Variants in KLF18 observed in about 807,000 individuals in gnomAD.
The protein encoded by KLF18 is Kruppel-like factor 18.
At position 44,140,765 on chromosome 1, in the gene KLF18, G is replaced by C. The variant is rs1348598145; in HGVS notation, c.867C>G (p.Leu289=). The C allele has an allele frequency of 2.5e-6, 1 of 398,444 alleles. No homozygotes were observed. Among genetic ancestry groups the C allele is most frequent in the Non-Finnish European group, 4.4e-6 (1 of 226,210 alleles). The allele number at this position is 398,444 out of a possible 1,614,324, so 24.7% of individuals were successfully genotyped here. ...QMTTSASNQT[L]CGEQMTTSTS... is the part of the protein sequence containing the mutation. ...TGGAGGTTGTCATCTGCTCTCCACA[G>C]AGGGTCTGGTTACTAGCGGAGGTCG... The change falls in exon 1 of 2, where the codon CTC becomes CTG. Residue 289 remains leucine, a synonymous_variant. Transcript: ENST00000634670.
chr1:44,139,322 C>T lies in KLF18; in HGVS notation c.2310G>A (p.Met770Ile), dbSNP rs183572596. The T allele has an allele frequency of 8.8e-6, 3 of 342,104 alleles. No individual in the cohort carries two copies. Among genetic ancestry groups the T allele is most frequent in the South Asian group, 1.5e-4 (1 of 6,710 alleles). 21.2% of individuals were successfully genotyped at this position (342,104 alleles called of 1,614,324 possible). A position where few individuals can be genotyped will look rare whatever the true frequency, so the allele number is the denominator to read the frequency against. ...TGNQALYGGQMTTSTSNQTLC... is the reference protein window; with the variant it reads ...TGNQALYGGQITTSTSNQTLC... Reference sequence around the variant, plus strand: ...GGGTCTGGTTACTAGTAGAGGTCGTCATCTGCCCCCCGTAGAGGGCCTGGT... The same window carrying T: ...GGGTCTGGTTACTAGTAGAGGTCGTTATCTGCCCCCCGTAGAGGGCCTGGT... Residue 770 changes from methionine to isoleucine, a missense_variant, in exon 1 of 2, where the codon ATG (methionine) becomes ATA (isoleucine). Physicochemically the swap from Met to Ile is conservative, Grantham distance 10. Coordinates refer to ENST00000634670, the MANE Select transcript of KLF18 (RefSeq NM_001358438.1).
Position 44,139,023 on chromosome 1 carries a change from G to GTCA in KLF18, c.2606_2608dup (p.Met869dup), listed in dbSNP as rs773597072. ...ATAGAGGGCCTGGTTATCAGTGGAG[G>GTCA]TCATATTCTGCCCCCCGTAGAGGTT... On this transcript the variant is annotated inframe_insertion, in exon 1 of 2. Coordinates refer to ENST00000634670, the MANE Select transcript of KLF18 (RefSeq NM_001358438.1). 2.6e-5 allele frequency: 9 copies of GTCA among 344,118 alleles called. No individual in the cohort carries two copies. Among genetic ancestry groups the GTCA allele is most frequent in the African/African-American group, 6.7e-5 (2 of 29,996 alleles). 21.3% of individuals were successfully genotyped at this position (344,118 alleles called of 1,614,324 possible).
intron 1 of KLF18, 91 bp downstream of exon 1, chr1:44,138,572 TG>T (rs1191599663): frequency 7.6e-6 from 3 of 397,262 alleles, no homozygotes; most frequent in Non-Finnish European, 1.3e-5. Flanking sequence ...TTTGAATCCC[TG>T]GCTTAAAGGA....
rs1643216534 is a variant in KLF18, at chr1:44,139,831, G to A, written c.1801C>T (p.Gln601Ter). ...STSNQTLCGE[Q>*]VTTSTGNQAL... is the part of the protein sequence containing the mutation. ...TGGTTACCAGTGGAGGTCGTCACCT[G>A]CTCCCCACAAAGGGTCTGGTTACTA... Residue 601 changes from glutamine to a stop codon, truncating the protein, a stop_gained, in exon 1 of 2, where the codon CAG becomes TAG. Coordinates refer to ENST00000634670, the MANE Select transcript of KLF18 (RefSeq NM_001358438.1). LOFTEE classifies it high-confidence loss of function. The A allele has an allele frequency of 2.6e-6, 1 of 378,874 alleles. No homozygotes were observed. The highest frequency in any genetic ancestry group is 1.3e-4 in the South Asian group (1 of 7,480). 23.5% of individuals were successfully genotyped at this position (378,874 alleles called of 1,614,324 possible).
In KLF18 at chr1:44,139,115, C is replaced by A. The variant is rs1338194328; in HGVS notation, c.2517G>T (p.Gln839His). 5.1e-6 allele frequency: 2 copies of A among 395,990 alleles called. No individual in the cohort carries two copies. The highest frequency in any genetic ancestry group is 2.1e-5 in the African/African-American group (1 of 48,154). 24.5% of individuals were successfully genotyped at this position (395,990 alleles called of 1,614,324 possible). A position where few individuals can be genotyped will look rare whatever the true frequency, so the allele number is the denominator to read the frequency against. The stretch of plus-strand genomic sequence containing the variant: ...CCTGGTTACCAGTGGAGGTCGTCAC[C>A]TGCTCCCCACAGAGGGTCTGGTTAC... ...STSNQTLCGE[Q>H]VTTSTGNQAL... The change falls in exon 1 of 2, where the codon CAG becomes CAT. Residue 839 changes from glutamine to histidine, a missense_variant. Coordinates refer to ENST00000634670, the MANE Select transcript of KLF18 (RefSeq NM_001358438.1).
chr1:44,138,047 TCAGGGTGAGGTAGGG>T (rs1475014815), intron 1 of KLF18, 36 bp from the exon 2 acceptor site: 1 of 398,392 alleles, frequency 2.5e-6, no homozygotes, highest in Non-Finnish European at 4.4e-6. Context: ...CTGTCATACA[TCAGGGTGAGGTAGGG>T]CAGGGACATT....
rs910812958 is a variant in KLF18, at chr1:44,141,213, T to A, written c.419A>T (p.Asn140Ile). 5.0e-6 allele frequency: 2 copies of A among 398,604 alleles called. No homozygotes were observed. The allele number at this position is 398,604 out of a possible 1,614,324, so 24.7% of individuals were successfully genotyped here. Residue 140 changes from asparagine (N) to isoleucine (I), a missense_variant, in exon 1 of 2, where the codon AAC becomes ATC. Physicochemically the swap from Asn to Ile is moderately radical, Grantham distance 149. Coordinates refer to ENST00000634670, the MANE Select transcript of KLF18 (RefSeq NM_001358438.1). ...DCQKTTITAS[N>I]MTISNESSQL... ...GCTACTTTCATTGGAGATTGTCATG[T>A]TGCTTGCAGTGATGGTTGTCTTCTG... is the stretch of plus-strand genomic sequence containing the variant.
At position 44,139,325 on chromosome 1, in the gene KLF18, C is replaced by T. The variant is rs1643206726; in HGVS notation, c.2307G>A (p.Gln769=). The T allele has an allele frequency of 8.6e-6, 3 of 348,242 alleles. No homozygotes were observed. Among genetic ancestry groups the T allele is most frequent in the Non-Finnish European group, 1.5e-5 (3 of 196,016 alleles). 21.6% of individuals were successfully genotyped at this position (348,242 alleles called of 1,614,324 possible). A position where few individuals can be genotyped will look rare whatever the true frequency, so the allele number is the denominator to read the frequency against. The stretch of plus-strand genomic sequence containing the variant: ...TCTGGTTACTAGTAGAGGTCGTCAT[C>T]TGCCCCCCGTAGAGGGCCTGGTTAC... ...STGNQALYGG[Q]MTTSTSNQTL... Residue 769 remains glutamine, a synonymous_variant, in exon 1 of 2, where the codon CAG becomes CAA. Transcript: ENST00000634670.
intron 1 of KLF18, 28 bp downstream of exon 1, chr1:44,138,636 T>A (rs1469711582): frequency 5.0e-6 from 2 of 397,432 alleles, no homozygotes; most frequent in East Asian, 7.1e-5. Context: ...CACTTGCCCC[T>A]CACCCCTGTT....
Position 44,140,088 on chromosome 1 carries a change from C to T in KLF18, c.1544G>A (p.Gly515Glu), listed in dbSNP as rs941458147. The change falls in exon 1 of 2, where the codon GGA (glycine) becomes GAA (glutamate). Residue 515 changes from glycine to glutamate, a missense_variant. Physicochemically the swap from Gly to Glu is moderately conservative, Grantham distance 98 (BLOSUM62 -2). Coordinates refer to ENST00000634670, the MANE Select transcript of KLF18 (RefSeq NM_001358438.1). ...ACCAGTGGAGGTTGTCATCTGCTCT[C>T]CACAGAGGTTCTGGTTACCAGTGGA... ...MTSTGNQNLC[G>E]EQMTTSTGNQ... 1.5e-5 allele frequency: 6 copies of T among 393,354 alleles called. No homozygotes were observed. Among genetic ancestry groups the T allele is most frequent in the Non-Finnish European group, 2.7e-5 (6 of 225,094 alleles). 24.4% of individuals were successfully genotyped at this position (393,354 alleles called of 1,614,324 possible).
chr1:44,138,835 A>G lies in KLF18; in HGVS notation c.2797T>C (p.Cys933Arg). ...FSSLPYPGFL[C>R]FSSSHLIQGQ... ...TGAATCAAATGGGAACTTGAAAAGC[A>G]TAGGAATCCTGGGTATGGCAATGAT... Residue 933 changes from cysteine (C) to arginine (R), a missense_variant, in exon 1 of 2, where the codon TGC becomes CGC. Transcript: ENST00000634670. 2 of 398,656 alleles carry G rather than the reference A, an allele frequency of 5.0e-6. No homozygotes were observed. Among genetic ancestry groups the G allele is most frequent in the East Asian group, 7.1e-5 (2 of 28,076 alleles). The allele number at this position is 398,656 out of a possible 1,614,324, so 24.7% of individuals were successfully genotyped here.
intron 1 of KLF18, among the ~76,000 whole-genome samples, chr1:44,138,290 A>C (rs1571998968): frequency 6.6e-6 from 1 of 152,078 alleles, no homozygotes; most frequent in Non-Finnish European, 1.5e-5. Flanking sequence ...TAGTGGGGGG[A>C]ATAAGGAGGA....
At position 44,137,950 on chromosome 1, in the gene KLF18, C is replaced by G; in HGVS notation, c.3030G>C (p.Glu1010Asp). Residue 1010 changes from glutamate (E) to aspartate (D), a missense_variant, in exon 2 of 2, where the codon GAG (glutamate) becomes GAC (aspartate). Transcript: ENST00000634670. ...GCTWKFARSD[E>D]LNRHKKRHTG... is the part of the protein sequence containing the mutation. ...TGTGCCTTTTCTTGTGTCTGTTGAG[C>G]TCATCTGAGCGGGCAAATTTCCACG... 2.5e-6 allele frequency: 1 copy of G among 398,732 alleles called. No homozygotes were observed. Among genetic ancestry groups the G allele is most frequent in the Non-Finnish European group, 4.4e-6 (1 of 226,164 alleles). The allele number at this position is 398,732 out of a possible 1,614,324, so 24.7% of individuals were successfully genotyped here. A position where few individuals can be genotyped will look rare whatever the true frequency, so the allele number is the denominator to read the frequency against.
rs1310726673 is a variant in KLF18, at chr1:44,140,327, C to T, written c.1305G>A (p.Thr435=). 50 of 251,748 alleles carry T rather than the reference C, an allele frequency of 2.0e-4. No homozygotes were observed. Among genetic ancestry groups the T allele is most frequent in the South Asian group, 5.2e-4 (2 of 3,872 alleles). 15.6% of individuals were successfully genotyped at this position (251,748 alleles called of 1,614,324 possible). A position where few individuals can be genotyped will look rare whatever the true frequency, so the allele number is the denominator to read the frequency against. Residue 435 remains threonine (T), a synonymous_variant, in exon 1 of 2, where the codon ACG becomes ACA. Transcript: ENST00000634670. ...GNQALCGGQM[T]TSTGNQNLCG... ...AGAGGTTCTGGTTACCAGTGGAGGT[C>T]GTCATCTGCCCTCCACAGAGGGCTT... is the stretch of plus-strand genomic sequence containing the variant.
At position 44,138,695 on chromosome 1, in the gene KLF18, G is replaced by A. The variant is rs72886023; in HGVS notation, c.2937C>T (p.Cys979=). ...GCTTGCGCATGTGGGTTCGGAGGTGGCAAGCCTTTGAATAAGACATCTTGC... is the reference window on the plus strand; with the variant it reads ...GCTTGCGCATGTGGGTTCGGAGGTGACAAGCCTTTGAATAAGACATCTTGC... The part of the protein sequence containing the change: ...EDCKMSYSKA[C]HLRTHMRKHT... Residue 979 remains cysteine, a synonymous_variant, in exon 1 of 2, where the codon TGC becomes TGT. Transcript: ENST00000634670. 1.7e-3 allele frequency: 692 copies of A among 398,628 alleles called. 8 individuals carry two copies. Among genetic ancestry groups the A allele is most frequent in the African/African-American group, 0.013 (634 of 48,752 alleles). The allele number at this position is 398,628 out of a possible 1,614,324, so 24.7% of individuals were successfully genotyped here.
Position 44,141,377 on chromosome 1 carries a change from G to T in KLF18, c.255C>A (p.His85Gln), listed in dbSNP as rs1441731264. The change falls in exon 1 of 2, where the codon CAC (histidine) becomes CAA (glutamine). Residue 85 changes from histidine to glutamine, a missense_variant. His to Gln is a conservative substitution (Grantham distance 24). Transcript: ENST00000634670. ...TTAGGTCTTCAAGGGCTTTAAGAGG[G>T]TGCATTGTTAAGTCCTGGGTGAGAA... ...GTVLTQDLTM[H>Q]PLKALEDLSE... 2.5e-6 allele frequency: 1 copy of T among 398,578 alleles called. No homozygotes were observed. Among genetic ancestry groups the T allele is most frequent in the East Asian group, 3.6e-5 (1 of 28,066 alleles). The allele number at this position is 398,578 out of a possible 1,614,324, so 24.7% of individuals were successfully genotyped here.
In KLF18 at chr1:44,139,900, T is replaced by A; in HGVS notation, c.1732A>T (p.Thr578Ser). Residue 578 changes from threonine (T) to serine (S), a missense_variant, in exon 1 of 2, where the codon ACT (threonine) becomes TCT (serine). Thr to Ser is a moderately conservative substitution (Grantham distance 58, BLOSUM62 1). Transcript: ENST00000634670. ...ALYGGQITTS[T>S]SNQTLCGEQM... ...TCTCCACAGAGGGTCTGGTTACTAGTGGAGGTCGTGATCTGCCCCCCGTAG... is the reference window on the plus strand; with the variant it reads ...TCTCCACAGAGGGTCTGGTTACTAGAGGAGGTCGTGATCTGCCCCCCGTAG... 1 of 379,528 alleles carries A rather than the reference T, an allele frequency of 2.6e-6. No individual in the cohort carries two copies. The highest frequency in any genetic ancestry group is 4.7e-6 in the Non-Finnish European group (1 of 215,018). 23.5% of individuals were successfully genotyped at this position (379,528 alleles called of 1,614,324 possible). A position where few individuals can be genotyped will look rare whatever the true frequency, so the allele number is the denominator to read the frequency against.
rs1643200937 is a variant in KLF18, at chr1:44,139,135, G to T, written c.2497C>A (p.Gln833Lys). The change falls in exon 1 of 2, where the codon CAG becomes AAG. Residue 833 changes from glutamine to lysine, a missense_variant. By Grantham distance (53) the Gln-to-Lys change is moderately conservative (BLOSUM62 1). Coordinates refer to ENST00000634670, the MANE Select transcript of KLF18 (RefSeq NM_001358438.1). ...GEQMTTSTSN[Q>K]TLCGEQVTTS... ...GTCACCTGCTCCCCACAGAGGGTCTGGTTACTAGTGGAGGTCGTCATCTGC... is the reference window on the plus strand; with the variant it reads ...GTCACCTGCTCCCCACAGAGGGTCTTGTTACTAGTGGAGGTCGTCATCTGC... The T allele has an allele frequency of 2.5e-6, 1 of 394,838 alleles. No individual in the cohort carries two copies. The highest frequency in any genetic ancestry group is 4.4e-6 in the Non-Finnish European group (1 of 224,908). 24.5% of individuals were successfully genotyped at this position (394,838 alleles called of 1,614,324 possible).
rs1182821169 is a variant in KLF18 at position 44,140,552 on chromosome 1, A to C, written c.1080T>G (p.Cys360Trp). Residue 360 changes from cysteine (C) to tryptophan (W), a missense_variant, in exon 1 of 2, where the codon TGT (cysteine) becomes TGG (tryptophan). By Grantham distance (215) the Cys-to-Trp change is radical (BLOSUM62 -2). Coordinates refer to ENST00000634670, the MANE Select transcript of KLF18 (RefSeq NM_001358438.1). ...MMTSTGNQNL[C>W]GEQVMTSTGN... Reference sequence around the variant, plus strand: ...CAGTGGAGGTCATCACTTGCTCTCCACAGAGGTTCTGGTTACCAGTGGAGG... The same window carrying C: ...CAGTGGAGGTCATCACTTGCTCTCCCCAGAGGTTCTGGTTACCAGTGGAGG... 3.0e-6 allele frequency: 1 copy of C among 329,974 alleles called. No homozygotes were observed. The highest frequency in any genetic ancestry group is 5.1e-6 in the Non-Finnish European group (1 of 197,854). The allele number at this position is 329,974 out of a possible 1,614,324, so 20.4% of individuals were successfully genotyped here. A position where few individuals can be genotyped will look rare whatever the true frequency, so the allele number is the denominator to read the frequency against.
Sources: gnomAD v4.1 joint callset for allele counts (sites outside exome capture counted in the v4.1 genomes callset) on GRCh38, gnomAD v4.1.1 for gene constraint, MANE v1.5 for transcripts, NCBI Gene and HGNC (gene_info 2026-07-23, HGNC 2026-07-21) for gene names.